The following CASP10 variants were observed in gnomAD, a reference collection of about 807,000 sequenced individuals.
CASP10 encodes the protein caspase-10.
CASP10 carries 41 observed loss-of-function variants against 48.5 expected under a neutral mutation model. The observed-to-expected ratio is 0.85, with a 90% CI of 0.66 to 1.10. The LOEUF is 1.10. CASP10 is among the 50% of genes least tolerant of loss of function. The pLI, the probability that CASP10 is intolerant of heterozygous loss-of-function variation, is 0.00. For synonymous variants in CASP10, 232 were observed against 238.4 expected, an observed-to-expected ratio of 0.97 and a Z score of 0.25; for missense variants, 614 against 614.5, an observed-to-expected ratio of 1.00 and a Z score of 0.01.
Position 201,196,582 on chromosome 2 carries a change from C to A in CASP10, c.684+634C>A, listed in dbSNP as rs566043354. On this transcript the variant is annotated intron_variant, in intron 5 of 9. Transcript: ENST00000286186. ...TCCCTGGGATTTGTGGTTCTTCCAG[C>A]AGACTTGGGTAATTTCTTTGCCAAC... Among the ~76,000 whole-genome samples the A allele has an allele frequency of 3.9e-5, 6 of 152,294 alleles. No individual in the cohort carries two copies. The South Asian group carries it at 1.2e-3, about 32-fold the overall frequency.
rs1945708009 is a variant in CASP10 at position 201,221,059 on chromosome 2, T to G, written c.*3318T>G. On this transcript the variant is annotated 3_prime_UTR_variant, in exon 10 of 10. Transcript: ENST00000286186. ...CTATTTAAATCTAACTGTGCTGAGG[T>G]GCATATAAATGCCTTTAGGTGGTAG... is the stretch of plus-strand genomic sequence containing the variant. 1 of 985,338 alleles carries G rather than the reference T, an allele frequency of 1.0e-6. No individual in the cohort carries two copies. The highest frequency in any genetic ancestry group is 1.7e-5 in the African/African-American group (1 of 57,248). 61.0% of individuals were successfully genotyped at this position (985,338 alleles called of 1,614,324 possible).
Position 201,219,552 on chromosome 2 carries a change from A to C in CASP10, c.*1811A>C. ...CTTTGCTCCTCTGGCCCAAGGCATG[A>C]GGAGAGAGGCTGTGTCAGAAACTGA... On this transcript the variant is annotated 3_prime_UTR_variant, in exon 10 of 10. Transcript: ENST00000286186. 2.0e-6 allele frequency: 2 copies of C among 985,488 alleles called. No homozygotes were observed. Among genetic ancestry groups the C allele is most frequent in the Non-Finnish European group, 2.4e-6 (2 of 829,990 alleles). The allele number at this position is 985,488 out of a possible 1,614,324, so 61.0% of individuals were successfully genotyped here. A position where few individuals can be genotyped will look rare whatever the true frequency, so the allele number is the denominator to read the frequency against.
intron 9 of CASP10, chr2:201,212,253 C>T (rs1351172710): frequency 6.6e-6 from 1 of 152,224 alleles, no homozygotes; most frequent in Non-Finnish European, 1.5e-5. Flanking sequence ...CCAGCTGTCA[C>T]TGTGGTTTTG....
rs75945470 is a variant in CASP10 at position 201,210,048 on chromosome 2, T to C, written c.1415+486T>C. Among the ~76,000 whole-genome samples, 231 of 152,300 alleles carry C rather than the reference T, an allele frequency of 1.5e-3. 3 individuals are homozygous for C. Among genetic ancestry groups the C allele is most frequent in the African/African-American group, 5.5e-3 (227 of 41,568 alleles). ...GCTTCTAGAAATGACAAATAGATGT[T>C]AGGTAAAGAATCAGGTGAAAGATGT... On this transcript the variant is annotated intron_variant, in intron 9 of 9. Transcript: ENST00000286186.
chr2:201,219,821 A>G lies in CASP10; in HGVS notation c.*2080A>G. The G allele has an allele frequency of 1.0e-6, 1 of 984,914 alleles. No individual in the cohort carries two copies. Among genetic ancestry groups the G allele is most frequent in the African/African-American group, 1.8e-5 (1 of 57,116 alleles). 61.0% of individuals were successfully genotyped at this position (984,914 alleles called of 1,614,324 possible). The stretch of plus-strand genomic sequence containing the variant: ...AGGGAGATCCAAAGTCCTGTGGTTA[A>G]CGCCTTCATTTATAGATGAGGCAGC... On this transcript the variant is annotated 3_prime_UTR_variant, in exon 10 of 10. Transcript: ENST00000286186.
rs199600895 is a variant in CASP10 at position 201,186,109 on chromosome 2, G to C, written c.332G>C (p.Arg111Thr). The C allele has an allele frequency of 1.3e-5, 21 of 1,611,890 alleles. No homozygotes were observed. The East Asian group carries it at 4.5e-4, about 34-fold the overall frequency. The change falls in exon 2 of 10, where the codon AGG (arginine) becomes ACG (threonine). Residue 111 changes from arginine (R) to threonine (T), a missense_variant. Arg to Thr is a moderately conservative substitution (Grantham distance 71). Coordinates refer to ENST00000286186, the MANE Select transcript of CASP10 (RefSeq NM_032977.4). ...EVERLLPTRQ[R>T]VSLFRNLLYE... ...GAGCGACTGCTGCCCACCCGACAAA[G>C]GGTTTCTCTGTTTAGGTGAGGACGG...
chr2:201,226,970 A>G (rs867953215), intron 9 of CASP10, among the ~76,000 whole-genome samples: 2 of 152,146 alleles, frequency 1.3e-5, no homozygotes, highest in African/African-American at 2.4e-5. Context: ...AATACACATA[A>G]GAGTCTTTTA....
intron 7 of CASP10, 116 bp from the exon 8 acceptor site, chr2:201,207,959 G>A (rs1328780295): frequency 1.3e-6 from 1 of 750,484 alleles, no homozygotes; most frequent in Non-Finnish European, 2.4e-6. Flanking sequence ...TAAACAACTG[G>A]CATGGGGAGA....
In CASP10 at chr2:201,208,148, C is replaced by T. The variant is rs146654699; in HGVS notation, c.887C>T (p.Ser296Phe). 57 of 1,613,908 alleles carry T rather than the reference C, an allele frequency of 3.5e-5. No individual in the cohort carries two copies. The highest frequency in any genetic ancestry group is 4.8e-5 in the Non-Finnish European group (57 of 1,179,944). Reference sequence around the variant, plus strand: ...ATTGTCAACAACCACAGCTTTACCTCCCTGAAGGACAGACAAGGAACCCAT... The same window carrying T: ...ATTGTCAACAACCACAGCTTTACCTTCCTGAAGGACAGACAAGGAACCCAT... ...CVIVNNHSFT[S>F]LKDRQGTHKD... Residue 296 changes from serine (S) to phenylalanine (F), a missense_variant, in exon 8 of 10, where the codon TCC becomes TTC. Ser to Phe is a radical substitution (Grantham distance 155, BLOSUM62 -2). Coordinates refer to ENST00000286186, the MANE Select transcript of CASP10 (RefSeq NM_032977.4).
chr2:201,229,098 T>C, exon 10 of CASP10: 1 of 1,613,870 alleles, frequency 6.2e-7, no homozygotes, highest in Non-Finnish European at 8.5e-7. Flanking sequence ...TTCCAGAGGC[T>C]TCCTTCTGCC....
chr2:201,203,221 A>G (rs565986900), intron 5 of CASP10, among the ~76,000 whole-genome samples: 54 of 152,172 alleles, frequency 3.5e-4, no homozygotes, highest in African/African-American at 1.3e-3. Context: ...CATATGTCAC[A>G]CTGTATTTTT....
At chr2:201,227,905 T>C (rs1242702891) in intron 9 of CASP10, among the ~76,000 whole-genome samples, 1 of 152,100 alleles carries the variant, frequency 6.6e-6, no homozygotes, top group Non-Finnish European at 1.5e-5. Flanking sequence ...GGGGTTCCTC[T>C]ACAGAATCAG....
At chr2:201,208,956 G>C (rs1244202348) in intron 8 of CASP10, 114 bp from the exon 9 acceptor site, 5 of 1,157,068 alleles carry the variant, frequency 4.3e-6, no homozygotes, top group Non-Finnish European at 6.1e-6. Flanking sequence ...GAGATTATAG[G>C]TGTGAGCCAC....
In CASP10 at chr2:201,208,479, T is replaced by C. The variant is rs1267532338; in HGVS notation, c.922+296T>C. 16 of 510,530 alleles carry C rather than the reference T, an allele frequency of 3.1e-5. No individual in the cohort carries two copies. In the East Asian group the frequency reaches 2.4e-3, roughly 77 times the overall value. 31.6% of individuals were successfully genotyped at this position (510,530 alleles called of 1,614,324 possible). The stretch of plus-strand genomic sequence containing the variant: ...CCACCACTAACTAGGTGTGTGATCA[T>C]GGGAGAGTCAAGAGACCTTGGCTTC... On this transcript the variant is annotated intron_variant, in intron 8 of 9. Transcript: ENST00000286186.
At chr2:201,183,467 A>G (rs1031728072) in intron 1 of CASP10, among the ~76,000 whole-genome samples, 159 bp downstream of exon 1, 10 of 152,202 alleles carry the variant, frequency 6.6e-5, no homozygotes, top group South Asian at 2.1e-4. Flanking sequence ...AAGTTAAAAA[A>G]TCCGGAAGCC....
downstream of CASP10, among the ~76,000 whole-genome samples, chr2:201,225,903 T>G (rs1448739547): frequency 6.6e-6 from 1 of 152,018 alleles, no homozygotes; most frequent in Non-Finnish European, 1.5e-5. Flanking sequence ...CAGGTGGAGG[T>G]TGCAGTGAGC....
chr2:201,228,222 G>C (rs1401959868), intron 9 of CASP10, among the ~76,000 whole-genome samples: 1 of 152,172 alleles, frequency 6.6e-6, no homozygotes, highest in Non-Finnish European at 1.5e-5. Flanking sequence ...TGTAGTCCCA[G>C]CTACTCAGTG....
chr2:201,217,750 T>C lies in CASP10; in HGVS notation c.*9T>C. ...ATGCACTTTCATTATAGCAGAGAGT[T>C]TTTGTTGGTTCTTAGACCTCAAACG... On this transcript the variant is annotated 3_prime_UTR_variant, in exon 10 of 10. Transcript: ENST00000286186. 1 of 1,613,720 alleles carries C rather than the reference T, an allele frequency of 6.2e-7. No individual in the cohort carries two copies. Among genetic ancestry groups the C allele is most frequent in the Non-Finnish European group, 8.5e-7 (1 of 1,179,788 alleles).
At position 201,220,819 on chromosome 2, in the gene CASP10, T is replaced by C; in HGVS notation, c.*3078T>C. 3.0e-6 allele frequency: 3 copies of C among 985,412 alleles called. No homozygotes were observed. Among genetic ancestry groups the C allele is most frequent in the Non-Finnish European group, 3.6e-6 (3 of 829,950 alleles). 61.0% of individuals were successfully genotyped at this position (985,412 alleles called of 1,614,324 possible). A position where few individuals can be genotyped will look rare whatever the true frequency, so the allele number is the denominator to read the frequency against. On this transcript the variant is annotated 3_prime_UTR_variant, in exon 10 of 10. Transcript: ENST00000286186. ...CTAGTGGTCACAGTCCTTGTCCAGT[T>C]GGCAGAACTGACATGTGAAGGCAAG...
Sources: gnomAD v4.1 joint callset for allele counts (sites outside exome capture counted in the v4.1 genomes callset) on GRCh38, gnomAD v4.1.1 for gene constraint, MANE v1.5 for transcripts, NCBI Gene and HGNC (gene_info 2026-07-23, HGNC 2026-07-21) for gene names.